SMARCA2: variants seen among roughly 807,000 people sequenced by gnomAD.
The protein encoded by SMARCA2 is SWI/SNF-related matrix-associated actin-dependent regulator of chromatin subfamily A member 2.
SMARCA2 carries 61 observed loss-of-function variants against 199.8 expected under a neutral mutation model. The observed-to-expected ratio is 0.31, with a 90% CI of 0.25 to 0.38. The LOEUF is 0.38. Among genes scored for constraint, SMARCA2 ranks in the 10% least tolerant of loss-of-function variants. The pLI is 1.00. For synonymous variants in SMARCA2, 935 were observed against 732.0 expected, an observed-to-expected ratio of 1.28 and a Z score of -4.48; for missense variants, 1,344 against 2,012.2, an observed-to-expected ratio of 0.67 and a Z score of 6.35.
At chr9:2,160,647 C>T in intron 27 of SMARCA2, 1 of 699,990 alleles carries the variant, frequency 1.4e-6, no homozygotes, top group East Asian at 2.7e-5. Context: ...AGAGCTCTTT[C>T]AGCTACGAGA....
At chr9:2,047,658 G>A (rs1819930930) in intron 5 of SMARCA2, 174 bp downstream of exon 5, 1 of 750,460 alleles carries the variant, frequency 1.3e-6, no homozygotes, top group Admixed American at 4.7e-5. Flanking sequence ...AGGCACCGGG[G>A]TTTTGAAGAT....
At chr9:2,192,425 A>G (rs549630189) in intron 33 of SMARCA2, 5 of 379,850 alleles carry the variant, frequency 1.3e-5, no homozygotes, top group Admixed American at 9.3e-5. Flanking sequence ...GCTGAAAAAG[A>G]GAAAATATTA....
At chr9:2,164,506 A>G (rs12340655) in intron 28 of SMARCA2, among the ~76,000 whole-genome samples, 2,244 of 152,284 alleles carry the variant, frequency 0.015, 53 homozygotes, top group African/African-American at 0.051. Context: ...CTTATGTGTC[A>G]TCAGGGATTT....
chr9:2,110,206 T>C lies in SMARCA2; in HGVS notation c.3293-48T>C, dbSNP rs974820746. ...AGCCTTTTTGTCTCATTCTGTGCCA[T>C]TTTCAGACAAGAGTTAATTGGCAAA... is the stretch of plus-strand genomic sequence containing the variant. On this transcript the variant is annotated intron_variant, in intron 23 of 33. Transcript: ENST00000349721. The surrounding 1 kb of genome is among the most constrained non-coding windows in gnomAD (Gnocchi z 4.8). The C allele has an allele frequency of 2.7e-6, 4 of 1,491,096 alleles. No homozygotes were observed. In the Admixed American group the frequency reaches 6.1e-5, roughly 23 times the overall value. The allele number at this position is 1,491,096 out of a possible 1,614,324, so 92.4% of individuals were successfully genotyped here.
Position 2,073,552 on chromosome 9 carries a change from C to T in SMARCA2, c.1878-14C>T, listed in dbSNP as rs747953707. 2 of 1,607,152 alleles carry T rather than the reference C, an allele frequency of 1.2e-6. No individual in the cohort carries two copies. Among genetic ancestry groups the T allele is most frequent in the Admixed American group, 1.7e-5 (1 of 59,804 alleles). ...AAACTAAGCCCCCTCCTCTTCCTCA[C>T]TCTTTTTCCTTAGTTATGAAGTTGC... On this transcript the variant is annotated splice_polypyrimidine_tract_variant and intron_variant, in intron 11 of 33. Transcript: ENST00000349721.
chr9:2,066,977 G>T (rs1216726783), intron 9 of SMARCA2, among the ~76,000 whole-genome samples: 14 of 152,196 alleles, frequency 9.2e-5, no homozygotes, highest in Admixed American at 9.2e-4. Context: ...ACAGCATGAA[G>T]TTGATGTGAG....
At chr9:2,166,608 A>C (rs557725455) in intron 28 of SMARCA2, among the ~76,000 whole-genome samples, 134 of 152,248 alleles carry the variant, frequency 8.8e-4, no homozygotes, top group African/African-American at 3.1e-3. Flanking sequence ...ATTTTTATCT[A>C]TGCAAAAATT....
intron 4 of SMARCA2, chr9:2,045,989 G>C (rs1017586110): frequency 5.9e-5 from 9 of 152,032 alleles, no homozygotes; most frequent in Non-Finnish European, 2.9e-5. Flanking sequence ...GGTGATTGTT[G>C]GAAATTGAAT....
intron 29 of SMARCA2, among the ~76,000 whole-genome samples, chr9:2,180,279 C>T (rs1826930848): frequency 1.3e-5 from 2 of 152,288 alleles, no homozygotes; most frequent in African/African-American, 4.8e-5. Flanking sequence ...AGCAGAAAAA[C>T]TAGCCCATCT....
At chr9:2,073,136 TGCTGAGAAAC>T in intron 10 of SMARCA2, 66 bp from the exon 11 acceptor site, 1 of 1,543,946 alleles carries the variant, frequency 6.5e-7, no homozygotes, top group Non-Finnish European at 8.8e-7. Context: ...CAGCAAAAAC[TGCTGAGAAAC>T]GTCCAGTACA....
In SMARCA2 at chr9:2,084,115, C is replaced by A. The variant is rs753039711; in HGVS notation, c.2445C>A (p.Val815=). 3 of 1,611,582 alleles carry A rather than the reference C, an allele frequency of 1.9e-6. No individual in the cohort carries two copies. In the South Asian group the frequency reaches 3.3e-5, roughly 18 times the overall value. Residue 815 remains valine, a synonymous_variant, in exon 17 of 34, where the codon GTC becomes GTA. Coordinates refer to ENST00000349721, the MANE Select transcript of SMARCA2 (RefSeq NM_003070.5). ...KGTPAMRRSL[V]PQLRSGKFNV... is the part of the protein sequence containing the mutation. ...CTCCTGCCATGCGTCGCTCCCTTGT[C>A]CCCCAGCTACGGAGTGGCAAATTCA...
intron 28 of SMARCA2, among the ~76,000 whole-genome samples, chr9:2,167,227 C>G (rs1263097359): frequency 1.3e-5 from 2 of 152,198 alleles, no homozygotes; most frequent in Non-Finnish European, 2.9e-5. Flanking sequence ...CTTGAAGTGG[C>G]TTGATATGCT....
rs539475818 is a variant in SMARCA2 at position 2,039,634 on chromosome 9, G to A, written c.524G>A (p.Ser175Asn). The A allele has an allele frequency of 4.3e-6, 7 of 1,614,162 alleles. 1 individual carries two copies. In the Admixed American group the frequency reaches 5.0e-5, roughly 12 times the overall value. ...SQPNRGPSPFSPVQLHQLRAQ... is the reference protein window; with the variant it reads ...SQPNRGPSPFNPVQLHQLRAQ... ...CCCAACAGAGGTCCCTCACCTTTCA[G>A]TCCTGTCCAGCTGCATCAGCTTCGA... The change falls in exon 4 of 34, where the codon AGT becomes AAT. Residue 175 changes from serine (S) to asparagine (N), a missense_variant. Coordinates refer to ENST00000349721, the MANE Select transcript of SMARCA2 (RefSeq NM_003070.5). The surrounding 1 kb of genome is among the most constrained non-coding windows in gnomAD (Gnocchi z 4.8).
chr9:2,077,084 C>T, intron 13 of SMARCA2, among the ~76,000 whole-genome samples: 1 of 152,160 alleles, frequency 6.6e-6, no homozygotes, highest in Non-Finnish European at 1.5e-5. Context: ...GAATCCCCCT[C>T]AGTGGTTCCT....
intron 32 of SMARCA2, among the ~76,000 whole-genome samples, chr9:2,189,876 G>C (rs1005618844): frequency 6.6e-6 from 1 of 150,810 alleles, no homozygotes; most frequent in Non-Finnish European, 1.5e-5. Flanking sequence ...TATTTTGTGG[G>C]TCCCTCTACT....
intron 24 of SMARCA2, among the ~76,000 whole-genome samples, chr9:2,114,691 AG>A (rs2130595486): frequency 6.6e-6 from 1 of 152,312 alleles, no homozygotes; most frequent in East Asian, 1.9e-4. Context: ...GGGCTCATGA[AG>A]GTTTTTATTT....
intron 29 of SMARCA2, among the ~76,000 whole-genome samples, chr9:2,178,596 G>A (rs1264803701): frequency 6.6e-6 from 1 of 151,940 alleles, no homozygotes; most frequent in Non-Finnish European, 1.5e-5. Context: ...GCAGGGTGGT[G>A]CATAGAAAAC....
chr9:2,067,683 G>T (rs1315965706), intron 9 of SMARCA2, among the ~76,000 whole-genome samples: 2 of 152,184 alleles, frequency 1.3e-5, no homozygotes, highest in East Asian at 3.8e-4. Context: ...AAGATCTCTT[G>T]CACTTAATTA....
intron 14 of SMARCA2, among the ~76,000 whole-genome samples, chr9:2,079,298 C>G (rs7873564): frequency 3.9e-5 from 6 of 152,194 alleles, no homozygotes; most frequent in African/African-American, 1.2e-4. Context: ...CTACCAAACC[C>G]TATTTTTATA....
Sources: gnomAD v4.1 joint callset for allele counts (sites outside exome capture counted in the v4.1 genomes callset) on GRCh38, gnomAD v4.1.1 for gene constraint, Gnocchi (gnomAD v3.1) non-coding constraint, MANE v1.5 for transcripts, NCBI Gene and HGNC (gene_info 2026-07-23, HGNC 2026-07-21) for gene names.